COL4A2: variants seen among roughly 807,000 people sequenced by gnomAD.
COL4A2 encodes collagen type IV alpha 2 chain, also known as collagen alpha-2(IV) chain.
Under a neutral mutation model 200.2 loss-of-function variants are expected in COL4A2, and 99 were observed. The ratio of observed to expected loss-of-function variants is 0.49; its 90% confidence interval spans 0.42 to 0.58. The LOEUF is 0.58. Ranked by LOEUF, COL4A2 falls within the 20% of genes least tolerant of loss-of-function variation. The pLI is 0.00. For synonymous variants in COL4A2, 897 were observed against 900.6 expected, an observed-to-expected ratio of 1.00 and a Z score of 0.07; for missense variants, 1,950 against 2,314.1, an observed-to-expected ratio of 0.84 and a Z score of 3.23.
At chr13:110,357,054 G>A (rs1877305585) in intron 3 of COL4A2, among the ~76,000 whole-genome samples, 5 of 152,092 alleles carry the variant, frequency 3.3e-5, no homozygotes, top group Non-Finnish European at 5.9e-5. Flanking sequence ...GTGAGCGACC[G>A]CGCCCAGCCT....
intron 6 of COL4A2, among the ~76,000 whole-genome samples, chr13:110,426,717 A>C (rs1265034681): frequency 6.6e-6 from 1 of 152,270 alleles, no homozygotes; most frequent in Non-Finnish European, 1.5e-5. Flanking sequence ...TGCAATTTCA[A>C]ATAGATCAGT....
chr13:110,485,159 C>A, intron 33 of COL4A2, 132 bp downstream of exon 33: 1 of 753,174 alleles, frequency 1.3e-6, no homozygotes, highest in African/African-American at 1.7e-5. Flanking sequence ...CATCTCTGGG[C>A]GCCCTGTGTG....
chr13:110,498,071 C>T (rs1000603469), intron 40 of COL4A2, among the ~76,000 whole-genome samples: 6 of 152,250 alleles, frequency 3.9e-5, no homozygotes, highest in African/African-American at 1.4e-4. Flanking sequence ...TGACCATGCC[C>T]GTGACCTTTA....
chr13:110,501,101 T>C (rs1163044972), intron 40 of COL4A2, among the ~76,000 whole-genome samples: 5 of 152,158 alleles, frequency 3.3e-5, no homozygotes, highest in Non-Finnish European at 7.3e-5. Context: ...ATGCCAGTGT[T>C]GATTTGGGGG....
chr13:110,421,672 G>A (rs1453503508), intron 4 of COL4A2, among the ~76,000 whole-genome samples: 2 of 152,220 alleles, frequency 1.3e-5, no homozygotes, highest in African/African-American at 4.8e-5. Flanking sequence ...TGAATGCACT[G>A]AAAGGCACCG....
At chr13:110,476,603 C>A (rs569419886) in intron 29 of COL4A2, among the ~76,000 whole-genome samples, 51 of 152,314 alleles carry the variant, frequency 3.3e-4, no homozygotes, top group South Asian at 2.7e-3. Context: ...CTGTCCTGGA[C>A]CAGCCCTGCA....
chr13:110,437,547 A>G (rs1048895547), intron 13 of COL4A2, among the ~76,000 whole-genome samples: 1 of 152,224 alleles, frequency 6.6e-6, no homozygotes, highest in East Asian at 1.9e-4. Context: ...TTGATCTATG[A>G]TATTGACATG....
At chr13:110,366,479 A>G (rs1290951363) in intron 4 of COL4A2, among the ~76,000 whole-genome samples, 2 of 152,226 alleles carry the variant, frequency 1.3e-5, no homozygotes, top group Admixed American at 6.5e-5. Flanking sequence ...GAAAACTACT[A>G]GATTGTTTTG....
intron 38 of COL4A2, 140 bp from the exon 39 acceptor site, chr13:110,493,068 GTGA>G: frequency 5.0e-5 from 43 of 865,888 alleles, no homozygotes; most frequent in South Asian, 9.7e-5. Flanking sequence ...ATAACGATGA[GTGA>G]CACCCCCATG....
chr13:110,464,707 G>A lies in COL4A2; in HGVS notation c.1777-698G>A, dbSNP rs115955340. 4.9e-3 allele frequency among the ~76,000 whole-genome samples: 749 copies of A among 152,234 alleles called. 7 individuals are homozygous for A. Among genetic ancestry groups the A allele is most frequent in the African/African-American group, 0.017 (715 of 41,536 alleles). On this transcript the variant is annotated intron_variant, in intron 24 of 47. Transcript: ENST00000360467. ...CATTGTCATGAGAACACCCAGCCTC[G>A]TCCCGTGGCTCAGCAGATGAGCGGG... is the stretch of plus-strand genomic sequence containing the variant.
intron 4 of COL4A2, among the ~76,000 whole-genome samples, chr13:110,366,214 A>G (rs1877745070): frequency 6.6e-6 from 1 of 152,222 alleles, no homozygotes; most frequent in Non-Finnish European, 1.5e-5. Context: ...TTCTAAAAAG[A>G]CCAGACCATA....
At chr13:110,379,889 C>T (rs978784637) in intron 4 of COL4A2, among the ~76,000 whole-genome samples, 12 of 152,064 alleles carry the variant, frequency 7.9e-5, no homozygotes, top group Non-Finnish European at 1.6e-4. Flanking sequence ...CTTAGCAACC[C>T]GCTCCGCCTT....
At chr13:110,461,085 A>G (rs1430063384) in intron 22 of COL4A2, among the ~76,000 whole-genome samples, 1 of 152,234 alleles carries the variant, frequency 6.6e-6, no homozygotes, top group Non-Finnish European at 1.5e-5. Flanking sequence ...TACCCTGCTC[A>G]TCGTGGAAAG....
intron 3 of COL4A2, among the ~76,000 whole-genome samples, chr13:110,338,938 C>T (rs7322495): frequency 0.63 from 96,340 of 152,048 alleles, 32,484 homozygotes; most frequent in Middle Eastern, 0.81. Flanking sequence ...TTGGAAGAGT[C>T]GTATGCCCCA....
chr13:110,451,510 AG>A (rs1256034978), intron 20 of COL4A2, among the ~76,000 whole-genome samples: 2 of 152,218 alleles, frequency 1.3e-5, no homozygotes, highest in Admixed American at 6.5e-5. Flanking sequence ...TCATGGCAGA[AG>A]GGGAAGCAAA....
At chr13:110,424,703 C>T (rs369171544) in intron 4 of COL4A2, 31 bp from the exon 5 acceptor site, 33 of 1,497,312 alleles carry the variant, frequency 2.2e-5, no homozygotes, top group South Asian at 3.6e-5. Context: ...TGTGATTAAT[C>T]GTGGAAATTG....
In COL4A2 at chr13:110,508,292, T is replaced by A; in HGVS notation, c.4881+71T>A. 1 of 1,579,680 alleles carries A rather than the reference T, an allele frequency of 6.3e-7. No homozygotes were observed. The highest frequency in any genetic ancestry group is 8.6e-7 in the Non-Finnish European group (1 of 1,159,180). ...GGGACACAGCAAGAACAGCTGCCTT[T>A]GTGAGAAGAATCAGACACGGCAGTC... On this transcript the variant is annotated intron_variant, in intron 47 of 47. Transcript: ENST00000360467. The surrounding 1 kb of genome is among the most constrained non-coding windows in gnomAD (Gnocchi z 6.1).
intron 4 of COL4A2, among the ~76,000 whole-genome samples, chr13:110,407,942 G>GGT (rs1213488435): frequency 1.3e-5 from 2 of 152,218 alleles, no homozygotes; most frequent in Non-Finnish European, 2.9e-5. Context: ...AATGAGGTAA[G>GGT]AAGTTCAACT....
chr13:110,484,948 C>A lies in COL4A2; in HGVS notation c.2946C>A (p.Ile982=), dbSNP rs748160701. Residue 982 remains isoleucine (I), a synonymous_variant, in exon 33 of 48, where the codon ATC becomes ATA. Coordinates refer to ENST00000360467, the MANE Select transcript of COL4A2 (RefSeq NM_001846.4). ...GGCCCCCAGGACCACCTCCTGTCATCCTGCCAGGAATGAAAGACATTAAAG... is the reference window on the plus strand; with the variant it reads ...GGCCCCCAGGACCACCTCCTGTCATACTGCCAGGAATGAAAGACATTAAAG... ...DPGPPGPPPV[I]LPGMKDIKGE... 1.9e-6 allele frequency: 3 copies of A among 1,613,270 alleles called. No homozygotes were observed. The highest frequency in any genetic ancestry group is 2.5e-6 in the Non-Finnish European group (3 of 1,179,338).
Sources: gnomAD v4.1 joint callset for allele counts (sites outside exome capture counted in the v4.1 genomes callset) on GRCh38, gnomAD v4.1.1 for gene constraint, Gnocchi (gnomAD v3.1) non-coding constraint, MANE v1.5 for transcripts, NCBI Gene and HGNC (gene_info 2026-07-23, HGNC 2026-07-21) for gene names.